LRMDA: variants seen among roughly 807,000 people sequenced by gnomAD.
The protein encoded by LRMDA is leucine rich melanocyte differentiation associated.
Under a neutral mutation model 29.8 loss-of-function variants are expected in LRMDA, and 18 were observed. The ratio of observed to expected loss-of-function variants is 0.60; its 90% CI spans 0.42 to 0.90. LRMDA has a LOEUF of 0.90. LRMDA is among the 40% of genes least tolerant of loss of function. LRMDA has a pLI of 0.00. For synonymous variants in LRMDA, 125 were observed against 109.4 expected, an observed-to-expected ratio of 1.14 and a Z score of -0.89; for missense variants, 273 against 273.9, an observed-to-expected ratio of 1.00 and a Z score of 0.02.
At chr10:75,581,696 AC>A (rs1840594052) in intron 2 of LRMDA, among the ~76,000 whole-genome samples, 1 of 130,614 alleles carries the variant, frequency 7.7e-6, no homozygotes, top group Non-Finnish European at 1.7e-5. Flanking sequence ...AGAAAACCAA[AC>A]ACCATATGTT....
chr10:75,901,242 C>A (rs1372767448), intron 2 of LRMDA, among the ~76,000 whole-genome samples: 8 of 152,082 alleles, frequency 5.3e-5, no homozygotes, highest in Admixed American at 4.6e-4. Flanking sequence ...GATTTATGGC[C>A]TGGCATGTTC....
At chr10:76,296,271 CAT>C (rs1277753782) in intron 5 of LRMDA, among the ~76,000 whole-genome samples, 1 of 152,214 alleles carries the variant, frequency 6.6e-6, no homozygotes, top group East Asian at 1.9e-4. Context: ...AACCCCTTGT[CAT>C]CTCTGTTATG....
chr10:76,375,657 A>G (rs1841507420), intron 6 of LRMDA, among the ~76,000 whole-genome samples: 1 of 152,008 alleles, frequency 6.6e-6, no homozygotes, highest in Non-Finnish European at 1.5e-5. Flanking sequence ...AGAGCTAGAA[A>G]TTAATCCCTA....
At chr10:76,347,446 G>A (rs778422131) in intron 6 of LRMDA, among the ~76,000 whole-genome samples, 1 of 152,162 alleles carries the variant, frequency 6.6e-6, no homozygotes, top group Non-Finnish European at 1.5e-5. Flanking sequence ...GATGGCTCCT[G>A]AGTGTCTAGT....
chr10:75,718,030 T>G (rs559964682), intron 2 of LRMDA, among the ~76,000 whole-genome samples: 1 of 152,214 alleles, frequency 6.6e-6, no homozygotes, highest in South Asian at 2.1e-4. Flanking sequence ...TTTATAAGAG[T>G]GCTTTGTAAT....
intron 5 of LRMDA, among the ~76,000 whole-genome samples, chr10:76,137,250 T>C (rs1420431421): frequency 6.6e-6 from 1 of 152,210 alleles, no homozygotes; most frequent in Non-Finnish European, 1.5e-5. Context: ...GGCTACCTCA[T>C]TGTTTCATAT....
At chr10:75,459,000 AT>A (rs35375766) in intron 2 of LRMDA, among the ~76,000 whole-genome samples, 15 of 148,518 alleles carry the variant, frequency 1.0e-4, no homozygotes, top group African/African-American at 3.2e-4. Flanking sequence ...TCTGCTTTAG[AT>A]TTTTTTTTTT....
At chr10:76,363,754 G>T (rs537552610) in intron 6 of LRMDA, among the ~76,000 whole-genome samples, 1 of 151,662 alleles carries the variant, frequency 6.6e-6, no homozygotes, top group East Asian at 1.9e-4. Flanking sequence ...TCTTAAAGGC[G>T]AAGTTATTTA....
At chr10:75,704,208 A>G (rs774434712) in intron 2 of LRMDA, among the ~76,000 whole-genome samples, 3 of 152,218 alleles carry the variant, frequency 2.0e-5, no homozygotes, top group Admixed American at 2.0e-4. Context: ...ATTGTCTCAC[A>G]TCATTTTCTT....
chr10:75,515,691 GTTTTTCT>G (rs763570431), intron 2 of LRMDA, among the ~76,000 whole-genome samples: 15 of 151,842 alleles, frequency 9.9e-5, no homozygotes, highest in Non-Finnish European at 2.1e-4. Flanking sequence ...TTAATTTTAT[GTTTTTCT>G]TTTTTCTTTT....
chr10:76,207,514 TG>T (rs1369983706), intron 5 of LRMDA, among the ~76,000 whole-genome samples: 1 of 152,210 alleles, frequency 6.6e-6, no homozygotes, highest in African/African-American at 2.4e-5. Context: ...GGTTGGGGGA[TG>T]GGGTGATTTT....
At chr10:75,612,686 A>G (rs1423754457) in intron 2 of LRMDA, among the ~76,000 whole-genome samples, 1 of 149,708 alleles carries the variant, frequency 6.7e-6, no homozygotes, top group Non-Finnish European at 1.5e-5. Context: ...ATTTTTGAGT[A>G]GTGGATTTAG....
chr10:75,431,671 G>A lies in LRMDA; in HGVS notation c.-54G>A. 1 of 1,254,278 alleles carries A rather than the reference G, an allele frequency of 8.0e-7. No homozygotes were observed. Among genetic ancestry groups the A allele is most frequent in the Non-Finnish European group, 9.9e-7 (1 of 1,005,432 alleles). The allele number at this position is 1,254,278 out of a possible 1,614,324, so 77.7% of individuals were successfully genotyped here. On this transcript the variant is annotated 5_prime_UTR_variant, in exon 1 of 7. Coordinates refer to ENST00000611255, the MANE Select transcript of LRMDA (RefSeq NM_001305581.2). ...GCGCTCCCCTGCCGCGCTCCCCGCT[G>A]CTGCCGCCGCGCCCCCGCGCTCCGT...
intron 2 of LRMDA, among the ~76,000 whole-genome samples, chr10:75,729,481 T>C (rs1435150406): frequency 2.6e-5 from 4 of 152,134 alleles, no homozygotes; most frequent in African/African-American, 9.7e-5. Flanking sequence ...CATCCTGAGA[T>C]GGGAACTCTT....
chr10:75,662,575 T>A (rs1841767976), intron 2 of LRMDA, among the ~76,000 whole-genome samples: 1 of 152,230 alleles, frequency 6.6e-6, no homozygotes, highest in South Asian at 2.1e-4. Flanking sequence ...AAAGAATATG[T>A]GGTTTTCCGG....
chr10:76,521,647 CT>C (rs1191989839), intron 6 of LRMDA, among the ~76,000 whole-genome samples: 1 of 152,144 alleles, frequency 6.6e-6, no homozygotes, highest in Non-Finnish European at 1.5e-5. Context: ...TTTTCAGGCT[CT>C]TGAAATGTTT....
Position 76,217,375 on chromosome 10 carries a change from C to T in LRMDA, c.517-107026C>T, listed in dbSNP as rs750469302. On this transcript the variant is annotated intron_variant, in intron 5 of 6. Transcript: ENST00000611255. ...AGCCAAGACATTGTATCTCTAGGAG[C>T]GACCTCCTGATTTGCTATTAAACTA... 6.6e-5 allele frequency among the ~76,000 whole-genome samples: 10 copies of T among 152,144 alleles called. No individual in the cohort carries two copies. In the East Asian group the frequency reaches 7.7e-4, roughly 12 times the overall value.
intron 5 of LRMDA, among the ~76,000 whole-genome samples, chr10:76,147,243 T>C (rs915115973): frequency 2.6e-5 from 4 of 152,210 alleles, no homozygotes; most frequent in East Asian, 1.9e-4. Flanking sequence ...CCTTGCTAGA[T>C]TGGGGAAGTT....
intron 5 of LRMDA, among the ~76,000 whole-genome samples, chr10:76,311,718 A>G (rs1840632046): frequency 6.6e-6 from 1 of 152,214 alleles, no homozygotes; most frequent in Non-Finnish European, 1.5e-5. Context: ...GCCTGCAAAG[A>G]TCAGGCCTCT....
Sources: allele counts gnomAD v4.1 joint callset (sites outside exome capture counted in the v4.1 genomes callset), GRCh38; gene constraint gnomAD v4.1.1; transcripts MANE v1.5; gene names NCBI Gene and HGNC (gene_info 2026-07-23, HGNC 2026-07-21).